GREB1L: variants seen among roughly 807,000 people sequenced by gnomAD.
GREB1L encodes GREB1-like protein.
Under a neutral mutation model 200.8 loss-of-function variants are expected in GREB1L, and 17 were observed. The ratio of observed to expected loss-of-function variants is 0.08; its 90% CI spans 0.06 to 0.13. The LOEUF (loss-of-function observed/expected upper bound fraction) is 0.13, where lower values mean the gene tolerates loss of function less well. Ranked by LOEUF, GREB1L falls within the 10% of genes least tolerant of loss-of-function variation. GREB1L has a pLI of 1.00. For synonymous variants in GREB1L, 789 were observed against 893.0 expected (o/e 0.88, Z 2.08); for missense variants, 1,657 against 2,367.7 (o/e 0.70, Z 6.23).
At chr18:21,473,000 G>A (rs1429604453) in intron 15 of GREB1L, 31 bp from the exon 16 acceptor site, 1 of 1,473,008 alleles carries the variant, frequency 6.8e-7, no homozygotes, top group Admixed American at 2.2e-5. Context: ...GTAAAAGTGT[G>A]TTAAAAGATG....
chr18:21,515,447 G>A lies in GREB1L; in HGVS notation c.4932G>A (p.Lys1644=). Residue 1644 remains lysine (K), a synonymous_variant, in exon 29 of 33, where the codon AAG becomes AAA. Coordinates refer to ENST00000424526, the MANE Select transcript of GREB1L (RefSeq NM_001142966.3). The part of the protein sequence containing the change: ...SQPMEVGVSS[K]NVSLKTVLQH... ...CCATGGAAGTAGGAGTTTCCAGTAA[G>A]AATGTGTCCTTGAAGACTGTCTTGC... 1 of 1,551,564 alleles carries A rather than the reference G, an allele frequency of 6.4e-7. No homozygotes were observed. Among genetic ancestry groups the A allele is most frequent in the Non-Finnish European group, 8.7e-7 (1 of 1,146,884 alleles).
intron 17 of GREB1L, among the ~76,000 whole-genome samples, chr18:21,478,637 T>C (rs1229734712): frequency 6.6e-6 from 1 of 152,212 alleles, no homozygotes; most frequent in Admixed American, 6.5e-5. Flanking sequence ...GTCACTGCCT[T>C]ATGAGAACTA....
chr18:21,416,229 TG>T (rs1318252242), intron 7 of GREB1L, among the ~76,000 whole-genome samples: 1 of 151,966 alleles, frequency 6.6e-6, no homozygotes, highest in Admixed American at 6.6e-5. Flanking sequence ...AGCACAGTAA[TG>T]GAAACTATCT....
chr18:21,350,719 C>T (rs79517796), intron 1 of GREB1L, among the ~76,000 whole-genome samples: 5 of 151,946 alleles, frequency 3.3e-5, no homozygotes, highest in East Asian at 3.9e-4. Context: ...CCAGCACAGA[C>T]GATAGGAAAC....
chr18:21,397,461 C>T (rs370901203), intron 5 of GREB1L, among the ~76,000 whole-genome samples: 4 of 149,692 alleles, frequency 2.7e-5, no homozygotes, highest in Non-Finnish European at 1.5e-5. Context: ...GGAGGCAGAG[C>T]TTGCAGTTAG....
chr18:21,424,973 T>C (rs2032446693), intron 7 of GREB1L, among the ~76,000 whole-genome samples: 1 of 152,236 alleles, frequency 6.6e-6, no homozygotes, highest in African/African-American at 2.4e-5. Flanking sequence ...CATATCGTAG[T>C]ATGTATCAGT....
At chr18:21,367,217 T>C (rs538435459) in intron 2 of GREB1L, among the ~76,000 whole-genome samples, 2 of 152,332 alleles carry the variant, frequency 1.3e-5, no homozygotes, top group East Asian at 3.9e-4. Flanking sequence ...AAAGGTTTTA[T>C]GAGTCTTATG....
At chr18:21,503,457 C>T (rs1162935855) in intron 23 of GREB1L, among the ~76,000 whole-genome samples, 7 of 152,082 alleles carry the variant, frequency 4.6e-5, no homozygotes, top group Admixed American at 6.6e-5. Context: ...CCACCCACCT[C>T]GGCCTCCCAA....
chr18:21,425,008 T>A (rs2032451099), intron 7 of GREB1L, among the ~76,000 whole-genome samples: 1 of 152,224 alleles, frequency 6.6e-6, no homozygotes, highest in African/African-American at 2.4e-5. Context: ...TACTGCTGAA[T>A]AATATTCTAC....
chr18:21,384,299 A>T lies in GREB1L; in HGVS notation c.251A>T (p.Asn84Ile), dbSNP rs754826312. The T allele has an allele frequency of 6.4e-7, 1 of 1,551,284 alleles. No homozygotes were observed. Among genetic ancestry groups the T allele is most frequent in the Admixed American group, 2.0e-5 (1 of 51,000 alleles). Residue 84 changes from asparagine to isoleucine, a missense_variant, in exon 4 of 33, where the codon AAT (asparagine) becomes ATT (isoleucine). By Grantham distance (149) the Asn-to-Ile change is moderately radical (BLOSUM62 -3). Around this residue, in one of 9 missense-constraint regions of GREB1L, gnomAD observed 121 missense variants for 126.6 expected, o/e 0.96. Coordinates refer to ENST00000424526, the MANE Select transcript of GREB1L (RefSeq NM_001142966.3). ...GATTTTTCTAACAATCTAACAGTTAATGAAATGGAAGATGATGAAGACGAT... is the reference window on the plus strand; with the variant it reads ...GATTTTTCTAACAATCTAACAGTTATTGAAATGGAAGATGATGAAGACGAT... ...SLDFSNNLTVNEMEDDEDDEE... is the reference protein window; with the variant it reads ...SLDFSNNLTVIEMEDDEDDEE...
intron 1 of GREB1L, among the ~76,000 whole-genome samples, chr18:21,305,852 G>A (rs1313087392): frequency 1.3e-5 from 2 of 152,062 alleles, no homozygotes; most frequent in African/African-American, 2.4e-5. Flanking sequence ...CTCATTCCCA[G>A]CTAGGGGCTT....
chr18:21,478,004 T>G (rs2035774549), intron 17 of GREB1L, among the ~76,000 whole-genome samples: 1 of 152,178 alleles, frequency 6.6e-6, no homozygotes, highest in South Asian at 2.1e-4. Flanking sequence ...TATCCTGGAT[T>G]TCCTTTGTGC....
At chr18:21,488,500 C>A (rs1490187233) in intron 18 of GREB1L, among the ~76,000 whole-genome samples, 1 of 152,080 alleles carries the variant, frequency 6.6e-6, no homozygotes, top group Non-Finnish European at 1.5e-5. Flanking sequence ...AGGTGAAATC[C>A]CCCATTAGCC....
chr18:21,427,987 G>A (rs916500930), intron 7 of GREB1L, among the ~76,000 whole-genome samples: 2 of 150,900 alleles, frequency 1.3e-5, no homozygotes, highest in African/African-American at 4.9e-5. Context: ...TCAGGAGATC[G>A]AGACCATCCT....
chr18:21,323,728 T>C (rs969519559), intron 1 of GREB1L, among the ~76,000 whole-genome samples: 31 of 152,084 alleles, frequency 2.0e-4, no homozygotes, highest in Non-Finnish European at 5.9e-5. Context: ...CTGGGTATCA[T>C]AGCAAGACCC....
intron 1 of GREB1L, among the ~76,000 whole-genome samples, chr18:21,363,112 G>A (rs558776156): frequency 1.3e-5 from 2 of 152,250 alleles, no homozygotes; most frequent in South Asian, 2.1e-4. Context: ...GCCTTTCACC[G>A]CAGTAGAATT....
chr18:21,306,089 TA>T (rs2038695200), intron 1 of GREB1L, among the ~76,000 whole-genome samples: 7 of 152,214 alleles, frequency 4.6e-5, no homozygotes, highest in Admixed American at 1.3e-4. Flanking sequence ...TTGATTTAGG[TA>T]CCTGTTTATT....
At chr18:21,451,270 G>C (rs1304575596) in intron 13 of GREB1L, 119 bp downstream of exon 13, 3 of 1,128,606 alleles carry the variant, frequency 2.7e-6, no homozygotes, top group Non-Finnish European at 2.5e-6. Context: ...TCTTTCATTT[G>C]AAATGGTTTA....
intron 19 of GREB1L, among the ~76,000 whole-genome samples, chr18:21,491,094 G>T (rs1427637366): frequency 6.6e-6 from 1 of 152,134 alleles, no homozygotes; most frequent in African/African-American, 2.4e-5. Flanking sequence ...TGCCTGACTC[G>T]GTTTTTCTGG....
Sources: allele counts gnomAD v4.1 joint callset (sites outside exome capture counted in the v4.1 genomes callset), GRCh38; gene constraint gnomAD v4.1.1; regional missense constraint gnomAD v4.1.1; transcripts MANE v1.5; gene names NCBI Gene and HGNC (gene_info 2026-07-23, HGNC 2026-07-21).